MAGI2: variants seen among roughly 807,000 people sequenced by gnomAD.
MAGI2 encodes the protein membrane-associated guanylate kinase, WW and PDZ domain-containing protein 2.
Under a neutral mutation model 133.3 loss-of-function variants are expected in MAGI2, and 35 were observed. The ratio of observed to expected loss-of-function variants is 0.26; its 90% CI spans 0.20 to 0.35. MAGI2 has a LOEUF of 0.35. MAGI2 is among the 10% of genes least tolerant of loss of function. The probability of loss-of-function intolerance (pLI) is 1.00; values close to 1 mark genes in which losing one functional copy is unlikely to be tolerated. For synonymous variants in MAGI2, 729 were observed against 710.6 expected, an observed-to-expected ratio of 1.03 and a Z score of -0.41; for missense variants, 1,636 against 1,863.4, an observed-to-expected ratio of 0.88 and a Z score of 2.25.
At chr7:78,374,730 T>C (rs967488040) in intron 6 of MAGI2, among the ~76,000 whole-genome samples, 2 of 152,168 alleles carry the variant, frequency 1.3e-5, no homozygotes, top group Non-Finnish European at 2.9e-5. Context: ...GGTCACACTA[T>C]ATATTAATGT....
chr7:79,117,818 C>A (rs1181803324), intron 1 of MAGI2, among the ~76,000 whole-genome samples: 1 of 152,164 alleles, frequency 6.6e-6, no homozygotes, highest in Non-Finnish European at 1.5e-5. Flanking sequence ...CTATAATGTA[C>A]AGAGAGTAGT....
chr7:78,630,402 T>C (rs1365568863), intron 2 of MAGI2, among the ~76,000 whole-genome samples: 2 of 147,870 alleles, frequency 1.4e-5, no homozygotes, highest in Non-Finnish European at 3.0e-5. Context: ...GTACTGACTT[T>C]TTGTGTTTAA....
At position 79,068,720 on chromosome 7, in the gene MAGI2, G is replaced by A. The variant is rs367837964; in HGVS notation, c.302-61514C>T. 3.9e-5 allele frequency among the ~76,000 whole-genome samples: 6 copies of A among 152,138 alleles called. No individual in the cohort carries two copies. The South Asian group carries it at 1.2e-3, about 32-fold the overall frequency. ...AGATCTTTCCTGCTTTCTCTTGTGG[G>A]CATTTAGTGCTATAAATTTCCCTCC... On this transcript the variant is annotated intron_variant, in intron 1 of 21. Transcript: ENST00000354212.
intron 2 of MAGI2, among the ~76,000 whole-genome samples, chr7:78,716,747 G>T (rs942134871): frequency 1.3e-5 from 2 of 152,148 alleles, no homozygotes; most frequent in Non-Finnish European, 2.9e-5. Flanking sequence ...AAACAAAAAA[G>T]TTGTAGAGAA....
At chr7:78,270,052 G>T (rs1015081680) in intron 9 of MAGI2, among the ~76,000 whole-genome samples, 1 of 152,088 alleles carries the variant, frequency 6.6e-6, no homozygotes, top group Non-Finnish European at 1.5e-5. Context: ...TTTTTGTCAG[G>T]TTTGTCAGAG....
At chr7:78,411,692 T>C (rs1341664740) in intron 6 of MAGI2, among the ~76,000 whole-genome samples, 2 of 152,040 alleles carry the variant, frequency 1.3e-5, no homozygotes, top group African/African-American at 4.8e-5. Flanking sequence ...TGTGGAGCTT[T>C]AGCTGAAATA....
At chr7:79,369,893 T>C (rs955284637) in intron 1 of MAGI2, among the ~76,000 whole-genome samples, 11 of 152,288 alleles carry the variant, frequency 7.2e-5, no homozygotes, top group Admixed American at 5.9e-4. Flanking sequence ...CTATTCATAT[T>C]CCCCTCTCCC....
chr7:78,566,322 G>A (rs986438240), intron 3 of MAGI2, among the ~76,000 whole-genome samples: 3 of 152,084 alleles, frequency 2.0e-5, no homozygotes, highest in African/African-American at 7.2e-5. Flanking sequence ...GATGCTGAGG[G>A]CCTTGAAAAT....
intron 2 of MAGI2, among the ~76,000 whole-genome samples, chr7:78,759,792 C>G (rs1034391304): frequency 6.6e-6 from 1 of 152,030 alleles, no homozygotes; most frequent in Non-Finnish European, 1.5e-5. Flanking sequence ...TCCCTATTTT[C>G]TAAGGCAGGT....
intron 6 of MAGI2, among the ~76,000 whole-genome samples, chr7:78,373,918 A>G (rs1313767908): frequency 6.6e-6 from 1 of 152,168 alleles, no homozygotes. Context: ...GTTGCTGCAA[A>G]GGACATGATT....
intron 2 of MAGI2, among the ~76,000 whole-genome samples, chr7:78,694,102 A>G (rs996443706): frequency 5.7e-4 from 86 of 152,196 alleles, no homozygotes; most frequent in Non-Finnish European, 9.3e-4. Flanking sequence ...GGAAACTGGG[A>G]GCCTCAGTTT....
chr7:78,894,123 C>T (rs1197935552), intron 2 of MAGI2, among the ~76,000 whole-genome samples: 3 of 152,122 alleles, frequency 2.0e-5, no homozygotes, highest in South Asian at 2.1e-4. Context: ...TATTCTTGGC[C>T]GGGCGCTGTG....
At chr7:79,405,551 T>C (rs1404844852) in intron 1 of MAGI2, among the ~76,000 whole-genome samples, 1 of 152,138 alleles carries the variant, frequency 6.6e-6, no homozygotes, top group African/African-American at 2.4e-5. Flanking sequence ...CTCCACTGTT[T>C]ACTCTACAGT....
rs78782124 is a variant in MAGI2, at chr7:78,141,328, C to A, written c.2846-6122G>T. Among the ~76,000 whole-genome samples the A allele has an allele frequency of 1.8e-3, 270 of 152,224 alleles. 2 individuals are homozygous for A. Among genetic ancestry groups the A allele is most frequent in the East Asian group, 0.017 (88 of 5,160 alleles). ...GATCTGTTTTTCTGCCTTTAGAAACCAGAGCATAATATTAATCTTGCTTAT... is the reference window on the plus strand; with the variant it reads ...GATCTGTTTTTCTGCCTTTAGAAACAAGAGCATAATATTAATCTTGCTTAT... On this transcript the variant is annotated intron_variant, in intron 16 of 21. Coordinates refer to ENST00000354212, the MANE Select transcript of MAGI2 (RefSeq NM_012301.4).
At chr7:78,884,108 C>G (rs1325212043) in intron 2 of MAGI2, among the ~76,000 whole-genome samples, 1 of 151,970 alleles carries the variant, frequency 6.6e-6, no homozygotes, top group Admixed American at 6.6e-5. Context: ...ACTATGCATC[C>G]AACAAAGGTC....
At chr7:79,337,327 T>C (rs545990944) in intron 1 of MAGI2, among the ~76,000 whole-genome samples, 1 of 152,324 alleles carries the variant, frequency 6.6e-6, no homozygotes, top group African/African-American at 2.4e-5. Flanking sequence ...TTGTGAATTC[T>C]ATAGAAGTGC....
chr7:78,318,991 G>A (rs999346565), intron 9 of MAGI2, among the ~76,000 whole-genome samples: 3 of 152,040 alleles, frequency 2.0e-5, no homozygotes, highest in African/African-American at 4.8e-5. Context: ...AAGAACAACC[G>A]GTACCAGCCA....
chr7:78,727,683 G>C (rs765104150), intron 2 of MAGI2, among the ~76,000 whole-genome samples: 70 of 152,182 alleles, frequency 4.6e-4, no homozygotes, highest in Non-Finnish European at 9.3e-4. Flanking sequence ...GTAACACTTG[G>C]TCAAACGCTA....
chr7:78,565,977 T>G (rs935081632), intron 3 of MAGI2, among the ~76,000 whole-genome samples: 1 of 152,150 alleles, frequency 6.6e-6, no homozygotes, highest in African/African-American at 2.4e-5. Context: ...ATGAGGATAA[T>G]GCTTGGGCTG....
Sources: allele counts gnomAD v4.1 joint callset (sites outside exome capture counted in the v4.1 genomes callset), GRCh38; gene constraint gnomAD v4.1.1; transcripts MANE v1.5; gene names NCBI Gene and HGNC (gene_info 2026-07-23, HGNC 2026-07-21).